TMEM131: variants seen among roughly 807,000 people sequenced by gnomAD.
TMEM131 encodes the protein transmembrane protein 131, also known as 2610524E03Rik.
In TMEM131, 66 loss-of-function variants were observed where a neutral mutation model predicts 211.6. That is an observed-to-expected ratio of 0.31 (90% confidence interval 0.26 to 0.38). The LOEUF (loss-of-function observed/expected upper bound fraction) is 0.38. TMEM131 is among the 10% of genes least tolerant of loss of function. The pLI, the probability that TMEM131 is intolerant of heterozygous loss-of-function variation, is 1.00. For missense variants in TMEM131, 2,036 were observed against 2,299.3 expected, an observed-to-expected ratio of 0.89 and a Z score of 2.34; for synonymous variants, 844 against 841.3, an observed-to-expected ratio of 1.00 and a Z score of -0.06.
chr2:97,863,973 C>T (rs1211545105), intron 4 of TMEM131, among the ~76,000 whole-genome samples: 1 of 152,152 alleles, frequency 6.6e-6, no homozygotes, highest in African/African-American at 2.4e-5. Context: ...TGGAAGCCAC[C>T]TAAGTGTTTA....
chr2:97,934,331 T>A (rs907848868), intron 1 of TMEM131, among the ~76,000 whole-genome samples: 4 of 152,140 alleles, frequency 2.6e-5, no homozygotes, highest in Non-Finnish European at 5.9e-5. Context: ...GCACAGGACA[T>A]ATGTACTGAA....
chr2:97,853,574 C>T (rs1673715077), intron 5 of TMEM131, among the ~76,000 whole-genome samples: 1 of 150,292 alleles, frequency 6.7e-6, no homozygotes, highest in Non-Finnish European at 1.5e-5. Context: ...CCAGTGCACT[C>T]CAGCCTGGGC....
intron 15 of TMEM131, 100 bp from the exon 16 acceptor site, chr2:97,812,849 C>G: frequency 1.6e-6 from 1 of 635,378 alleles, no homozygotes; most frequent in Non-Finnish European, 2.6e-6. Context: ...AAAGTTCCCC[C>G]CAAAATTAGC....
chr2:97,863,183 C>T (rs946898421), intron 4 of TMEM131, among the ~76,000 whole-genome samples: 2 of 152,084 alleles, frequency 1.3e-5, no homozygotes, highest in Admixed American at 6.5e-5. Flanking sequence ...AAATATCCTT[C>T]AAATATGAAA....
chr2:97,821,473 C>A lies in TMEM131; in HGVS notation c.1075-2752G>T, dbSNP rs542447183. Among the ~76,000 whole-genome samples, 126 of 152,300 alleles carry A rather than the reference C, an allele frequency of 8.3e-4. 1 individual carries two copies. The highest frequency in any genetic ancestry group is 2.9e-3 in the African/African-American group (120 of 41,558). On this transcript the variant is annotated intron_variant, in intron 11 of 40. Transcript: ENST00000186436. The stretch of plus-strand genomic sequence containing the variant: ...CTTTCTAGGCTGTGGAAGCTTTGTT[C>A]TTTCACTCTTCACAATAAATCTTGC...
intron 3 of TMEM131, among the ~76,000 whole-genome samples, chr2:97,890,799 A>G (rs1208589524): frequency 6.6e-5 from 10 of 152,286 alleles, no homozygotes; most frequent in Non-Finnish European, 1.5e-5. Flanking sequence ...TCAAATCCTT[A>G]GATAAGTTTT....
chr2:97,788,262 T>G (rs1249683185), intron 31 of TMEM131, among the ~76,000 whole-genome samples: 1 of 152,180 alleles, frequency 6.6e-6, no homozygotes, highest in African/African-American at 2.4e-5. Flanking sequence ...CCTCCAATGT[T>G]GCTGAAGGGG....
chr2:97,877,447 T>G (rs897908619), intron 4 of TMEM131, among the ~76,000 whole-genome samples: 2 of 152,202 alleles, frequency 1.3e-5, no homozygotes, highest in South Asian at 4.1e-4. Context: ...ACTATGTGAC[T>G]TCAAACTATG....
chr2:97,820,356 T>A (rs1307880396), intron 11 of TMEM131, among the ~76,000 whole-genome samples: 7 of 152,064 alleles, frequency 4.6e-5, no homozygotes, highest in African/African-American at 1.7e-4. Flanking sequence ...CAAAGTAGAG[T>A]TTGAACTGTA....
At chr2:97,919,851 T>C (rs1676669073) in intron 2 of TMEM131, among the ~76,000 whole-genome samples, 1 of 152,240 alleles carries the variant, frequency 6.6e-6, no homozygotes, top group African/African-American at 2.4e-5. Flanking sequence ...ATTACAGGCA[T>C]GAACTACTGC....
chr2:97,798,655 G>A (rs1023095569), intron 25 of TMEM131, among the ~76,000 whole-genome samples: 1 of 152,242 alleles, frequency 6.6e-6, no homozygotes, highest in Non-Finnish European at 1.5e-5. Context: ...CCTACAAAAA[G>A]TAGGGCTCTC....
In TMEM131 at chr2:97,766,891, A is replaced by G. The variant is rs554262153; in HGVS notation, c.4449-289T>C. ...TAATACGTAACGTGAGGGAGGATCT[A>G]TCTCAGATAAGGCATAGAAAGAAAG... On this transcript the variant is annotated intron_variant, in intron 33 of 40. Transcript: ENST00000186436. Among the ~76,000 whole-genome samples the G allele has an allele frequency of 7.9e-5, 12 of 152,302 alleles. 1 individual carries two copies. The East Asian group carries it at 9.6e-4, about 12-fold the overall frequency.
intron 4 of TMEM131, among the ~76,000 whole-genome samples, chr2:97,866,669 C>T (rs1304457305): frequency 1.3e-5 from 2 of 152,072 alleles, no homozygotes; most frequent in Non-Finnish European, 2.9e-5. Flanking sequence ...TGCTGCATCC[C>T]GTAAGTTTTG....
At chr2:97,850,717 AT>A (rs1170868209) in intron 5 of TMEM131, among the ~76,000 whole-genome samples, 11 of 152,186 alleles carry the variant, frequency 7.2e-5, no homozygotes, top group Non-Finnish European at 1.0e-4. Flanking sequence ...CCTAAAAAAA[AT>A]CTAAAATGTT....
intron 3 of TMEM131, among the ~76,000 whole-genome samples, chr2:97,892,764 C>T (rs1487627749): frequency 1.3e-5 from 2 of 152,044 alleles, no homozygotes; most frequent in South Asian, 2.1e-4. Flanking sequence ...AATTTTAAAC[C>T]TTTAACTTTT....
At chr2:97,908,901 T>C (rs1028369107) in intron 2 of TMEM131, among the ~76,000 whole-genome samples, 3 of 152,212 alleles carry the variant, frequency 2.0e-5, no homozygotes, top group South Asian at 2.1e-4. Flanking sequence ...AGTAATGCGA[T>C]GGATTTTTAA....
intron 10 of TMEM131, among the ~76,000 whole-genome samples, chr2:97,834,413 C>T (rs919100279): frequency 3.9e-5 from 6 of 152,152 alleles, no homozygotes; most frequent in African/African-American, 1.4e-4. Context: ...TGTTTTCCAA[C>T]CTGTTAAGCA....
Position 97,775,890 on chromosome 2 carries a change from T to C in TMEM131, c.4273A>G (p.Thr1425Ala), listed in dbSNP as rs1268958160. 7 of 1,613,856 alleles carry C rather than the reference T, an allele frequency of 4.3e-6. No homozygotes were observed. In the Admixed American group the frequency reaches 6.7e-5, roughly 15 times the overall value. The change falls in exon 32 of 41, where the codon ACC becomes GCC. Residue 1425 changes from threonine to alanine, a missense_variant. Physicochemically the swap from Thr to Ala is moderately conservative, Grantham distance 58. This residue lies in a region of TMEM131 where 1,623 missense variants were observed against 1,805.9 expected (regional missense o/e 0.90). Transcript: ENST00000186436. ...DSLADDDSSS[T>A]TTETSNPDTE... ...TCAGGGTTGGAGGTCTCTGTGGTGG[T>C]GGAGGAGCTATCATCATCAGCCAAA...
intron 3 of TMEM131, among the ~76,000 whole-genome samples, chr2:97,888,432 A>C (rs1675250290): frequency 6.6e-6 from 1 of 152,212 alleles, no homozygotes. Context: ...GGTCGCTTGG[A>C]TTTTCTGATA....
Sources: allele counts gnomAD v4.1 joint callset (sites outside exome capture counted in the v4.1 genomes callset), GRCh38; gene constraint gnomAD v4.1.1; regional missense constraint gnomAD v4.1.1; transcripts MANE v1.5; gene names NCBI Gene and HGNC (gene_info 2026-07-23, HGNC 2026-07-21).